DGKI: variants seen among roughly 807,000 people sequenced by gnomAD.
DGKI encodes DAG kinase iota.
In DGKI, 55 loss-of-function variants were observed where a neutral mutation model predicts 147.5. The ratio of observed to expected loss-of-function variants is 0.37; its 90% CI spans 0.30 to 0.47. DGKI has a LOEUF of 0.47. DGKI is among the 20% of genes least tolerant of loss of function. The pLI, the probability that DGKI is intolerant of heterozygous loss-of-function variation, is 1.00. For missense variants in DGKI, 1,007 were observed against 1,323.8 expected, an observed-to-expected ratio of 0.76 and a Z score of 3.71; for synonymous variants, 469 against 477.1, an observed-to-expected ratio of 0.98 and a Z score of 0.22.
chr7:137,552,009 A>G (rs541159438), intron 20 of DGKI, among the ~76,000 whole-genome samples: 1 of 152,304 alleles, frequency 6.6e-6, no homozygotes, highest in African/African-American at 2.4e-5. Context: ...GAGCAGGCTA[A>G]CTATGTGCTT....
chr7:137,662,304 C>T (rs980263236), intron 3 of DGKI, among the ~76,000 whole-genome samples: 3 of 141,614 alleles, frequency 2.1e-5, no homozygotes, highest in African/African-American at 5.5e-5. Flanking sequence ...AGTGCAGTGG[C>T]GGGATCTCGG....
intron 20 of DGKI, among the ~76,000 whole-genome samples, chr7:137,531,900 T>A (rs1817351520): frequency 6.6e-6 from 1 of 152,182 alleles, no homozygotes; most frequent in African/African-American, 2.4e-5. Flanking sequence ...GCTAACCCTC[T>A]AGTAACTCTA....
intron 8 of DGKI, among the ~76,000 whole-genome samples, chr7:137,618,151 A>ATATATATATATATATATTTTTTTTTTT: frequency 9.6e-5 from 1 of 10,450 alleles, no homozygotes; most frequent in African/African-American, 1.3e-4. Context: ...ATATATATAT[A>ATATATATATATATATATTTTTTTTTTT]TTTTTTTTTT....
chr7:137,675,137 T>C (rs1822985891), intron 3 of DGKI, among the ~76,000 whole-genome samples: 1 of 152,186 alleles, frequency 6.6e-6, no homozygotes. Context: ...AAACAGAGCA[T>C]TTAAACTAAA....
Position 137,386,684 on chromosome 7 carries a change from G to A in DGKI, c.*4536C>T. 6.6e-6 allele frequency: 1 copy of A among 152,088 alleles called. No homozygotes were observed. Among genetic ancestry groups the A allele is most frequent in the Non-Finnish European group, 1.5e-5 (1 of 68,010 alleles). 9.4% of individuals were successfully genotyped at this position (152,088 alleles called of 1,614,324 possible). A position where few individuals can be genotyped will look rare whatever the true frequency, so the allele number is the denominator to read the frequency against. On this transcript the variant is annotated 3_prime_UTR_variant, in exon 33 of 33. Transcript: ENST00000614521. ...CTTAGAGAGACAAGAGATAATGGAT[G>A]ACTGGGGACACAGAAAAGGGTAGGG...
chr7:137,670,384 C>T (rs1391320821), intron 3 of DGKI, among the ~76,000 whole-genome samples: 1 of 152,166 alleles, frequency 6.6e-6, no homozygotes, highest in African/African-American at 2.4e-5. Flanking sequence ...ATAACGATCC[C>T]CATGACAGTT....
intron 23 of DGKI, among the ~76,000 whole-genome samples, chr7:137,475,287 A>C (rs1180044831): frequency 6.6e-6 from 1 of 152,214 alleles, no homozygotes; most frequent in East Asian, 1.9e-4. Context: ...GGCTGAAATC[A>C]TGCCATTTGT....
intron 1 of DGKI, among the ~76,000 whole-genome samples, chr7:137,826,936 C>T (rs914407918): frequency 6.6e-6 from 1 of 152,168 alleles, no homozygotes; most frequent in Non-Finnish European, 1.5e-5. Flanking sequence ...CTGTGGACAT[C>T]TCAAATTCTC....
intron 1 of DGKI, among the ~76,000 whole-genome samples, chr7:137,701,760 T>C (rs1246865658): frequency 2.0e-5 from 3 of 152,032 alleles, no homozygotes; most frequent in African/African-American, 7.2e-5. Context: ...ATATCAAAAC[T>C]TCCCAAACTG....
chr7:137,637,620 C>T lies in DGKI; in HGVS notation c.804+7852G>A, dbSNP rs201189073. On this transcript the variant is annotated intron_variant, in intron 6 of 32. Coordinates refer to ENST00000614521, the MANE Select transcript of DGKI (RefSeq NM_001321708.2). ...CTGTGGATGTACTTTTGGATTAATC[C>T]TGCCCTATAGGGAGTGAAAGCTCCA... Among the ~76,000 whole-genome samples, 7 of 152,292 alleles carry T rather than the reference C, an allele frequency of 4.6e-5. No individual in the cohort carries two copies. The East Asian group carries it at 1.4e-3, about 29-fold the overall frequency.
At chr7:137,640,063 T>G (rs1821569334) in intron 6 of DGKI, among the ~76,000 whole-genome samples, 1 of 151,962 alleles carries the variant, frequency 6.6e-6, no homozygotes, top group African/African-American at 2.4e-5. Flanking sequence ...CTCAGGAAAT[T>G]TTGAAGTATT....
At chr7:137,750,785 A>G (rs1795470323) in intron 1 of DGKI, among the ~76,000 whole-genome samples, 1 of 152,204 alleles carries the variant, frequency 6.6e-6, no homozygotes, top group African/African-American at 2.4e-5. Flanking sequence ...TCAGGAAGAT[A>G]AAGGAAAGGA....
chr7:137,765,273 T>C (rs1795983238), intron 1 of DGKI, among the ~76,000 whole-genome samples: 1 of 152,192 alleles, frequency 6.6e-6, no homozygotes, highest in Non-Finnish European at 1.5e-5. Flanking sequence ...TAGATTTTTT[T>C]CTCCCACCAT....
chr7:137,395,132 A>G (rs1239485728), intron 32 of DGKI, among the ~76,000 whole-genome samples: 2 of 152,208 alleles, frequency 1.3e-5, no homozygotes, highest in African/African-American at 4.8e-5. Flanking sequence ...GCCAGATCCT[A>G]CCATCCTGGG....
intron 1 of DGKI, among the ~76,000 whole-genome samples, chr7:137,790,388 G>A (rs893759710): frequency 4.6e-5 from 7 of 152,154 alleles, no homozygotes; most frequent in African/African-American, 1.7e-4. Flanking sequence ...ATAAGCTACT[G>A]TGAGAAACTG....
At chr7:137,422,559 A>T in intron 28 of DGKI, among the ~76,000 whole-genome samples, 1 of 139,432 alleles carries the variant, frequency 7.2e-6, no homozygotes. Flanking sequence ...ACCAGGGAGG[A>T]GTTTTCATAT....
intron 1 of DGKI, among the ~76,000 whole-genome samples, chr7:137,830,647 A>T (rs1436083177): frequency 6.6e-6 from 1 of 152,234 alleles, no homozygotes; most frequent in Non-Finnish European, 1.5e-5. Context: ...ATGAAAGTGG[A>T]GATGGTGCAG....
intron 3 of DGKI, among the ~76,000 whole-genome samples, chr7:137,657,641 G>T (rs1822274412): frequency 1.3e-5 from 2 of 152,196 alleles, no homozygotes; most frequent in African/African-American, 4.8e-5. Flanking sequence ...TGTCAGATGG[G>T]CTATCAAAGC....
In DGKI at chr7:137,638,554, G is replaced by GTA. The variant is rs763319042; in HGVS notation, c.804+6916_804+6917dup. Among the ~76,000 whole-genome samples, 204 of 73,424 alleles carry GTA rather than the reference G, an allele frequency of 2.8e-3. 8 individuals are homozygous for GTA. Among genetic ancestry groups the GTA allele is most frequent in the African/African-American group, 9.6e-3 (170 of 17,678 alleles). 48.2% of individuals were successfully genotyped at this position (73,424 alleles called of 152,430 possible). On this transcript the variant is annotated intron_variant, in intron 6 of 32. Coordinates refer to ENST00000614521, the MANE Select transcript of DGKI (RefSeq NM_001321708.2). ...CACACATATATGTATATATATGTGT[G>GTA]TATATATATACACACATATATGTAT...
Sources: gnomAD v4.1 joint callset for allele counts (sites outside exome capture counted in the v4.1 genomes callset) on GRCh38, gnomAD v4.1.1 for gene constraint, MANE v1.5 for transcripts, NCBI Gene and HGNC (gene_info 2026-07-23, HGNC 2026-07-21) for gene names.